CAMKMT: variants seen among roughly 807,000 people sequenced by gnomAD.
The protein encoded by CAMKMT is calmodulin-lysine N-methyltransferase.
Under a neutral mutation model 48.0 loss-of-function variants are expected in CAMKMT, and 53 were observed. That is an observed-to-expected ratio of 1.10 (90% confidence interval 0.89 to 1.39). The LOEUF (loss-of-function observed/expected upper bound fraction) is 1.39. CAMKMT is among the 40% of genes most tolerant of loss of function. The pLI, the probability that CAMKMT is intolerant of heterozygous loss-of-function variation, is 0.00. For missense variants in CAMKMT, 428 were observed against 402.7 expected, an observed-to-expected ratio of 1.06 and a Z score of -0.54; for synonymous variants, 165 against 152.3, an observed-to-expected ratio of 1.08 and a Z score of -0.61.
At chr2:44,522,761 G>A (rs568466366) in intron 3 of CAMKMT, among the ~76,000 whole-genome samples, 2 of 152,250 alleles carry the variant, frequency 1.3e-5, no homozygotes, top group East Asian at 1.9e-4. Flanking sequence ...GCAAGTCCTG[G>A]ATCCTTTACA....
At chr2:44,471,079 C>T (rs1668391685) in intron 3 of CAMKMT, among the ~76,000 whole-genome samples, 1 of 151,024 alleles carries the variant, frequency 6.6e-6, no homozygotes, top group Non-Finnish European at 1.5e-5. Flanking sequence ...ACTGCAACCT[C>T]CGCCTTCCGA....
intron 3 of CAMKMT, among the ~76,000 whole-genome samples, chr2:44,580,523 T>A (rs1282596610): frequency 6.6e-6 from 1 of 152,198 alleles, no homozygotes; most frequent in East Asian, 1.9e-4. Context: ...GCATGACTTT[T>A]GTAAGATGTG....
intron 3 of CAMKMT, among the ~76,000 whole-genome samples, chr2:44,527,871 C>T (rs975039519): frequency 1.4e-5 from 2 of 143,570 alleles, no homozygotes; most frequent in Non-Finnish European, 3.0e-5. Flanking sequence ...CACCCAAAGT[C>T]TATAGTTTAC....
chr2:44,425,840 C>T (rs1472585746), intron 3 of CAMKMT, among the ~76,000 whole-genome samples: 1 of 152,014 alleles, frequency 6.6e-6, no homozygotes, highest in African/African-American at 2.4e-5. Flanking sequence ...AAGCCATTCT[C>T]CTGCCTCAGC....
At chr2:44,388,455 T>C (rs1680989149) in intron 2 of CAMKMT, among the ~76,000 whole-genome samples, 1 of 152,216 alleles carries the variant, frequency 6.6e-6, no homozygotes, top group Admixed American at 6.5e-5. Context: ...TGCCTTTCTC[T>C]GGTGCCTCCC....
intron 7 of CAMKMT, among the ~76,000 whole-genome samples, chr2:44,740,844 G>GT (rs1679638657): frequency 1.3e-5 from 2 of 152,282 alleles, no homozygotes; most frequent in South Asian, 4.1e-4. Flanking sequence ...TATTAGGGAA[G>GT]TGGGATAGTG....
Position 44,715,317 on chromosome 2 carries a change from A to C in CAMKMT, c.587A>C (p.Lys196Thr), listed in dbSNP as rs765433919. Residue 196 changes from lysine (K) to threonine (T), a missense_variant, in exon 7 of 11, where the codon AAG becomes ACG. Physicochemically the swap from Lys to Thr is moderately conservative, Grantham distance 78 (BLOSUM62 -1). Transcript: ENST00000378494. ...CAAGACATCATCACAAGGAATCAGA[A>C]GGCTGGTGTGTTTAAGACCCAGAAA... is the stretch of plus-strand genomic sequence containing the variant. Reference protein sequence around the residue: ...NVQDIITRNQKAGVFKTQKIS... With the variant: ...NVQDIITRNQTAGVFKTQKIS... 21 of 1,613,434 alleles carry C rather than the reference A, an allele frequency of 1.3e-5. No individual in the cohort carries two copies. Among genetic ancestry groups the C allele is most frequent in the Non-Finnish European group, 1.7e-5 (20 of 1,179,658 alleles).
intron 3 of CAMKMT, among the ~76,000 whole-genome samples, chr2:44,466,358 A>C (rs1284083665): frequency 6.6e-6 from 1 of 152,204 alleles, no homozygotes; most frequent in Admixed American, 6.5e-5. Flanking sequence ...AAAACTAGAA[A>C]TCAACATCAA....
intron 3 of CAMKMT, among the ~76,000 whole-genome samples, chr2:44,428,508 A>AT (rs538936938): frequency 2.0e-3 from 302 of 152,308 alleles, no homozygotes; most frequent in Middle Eastern, 0.01. Context: ...TGAAGTTCTC[A>AT]TTTAGGGCCG....
At chr2:44,705,568 G>C in intron 4 of CAMKMT, 1 of 978,302 alleles carries the variant, frequency 1.0e-6, no homozygotes, top group South Asian at 4.7e-5. Context: ...TAGACTGTCA[G>C]CTTTAACTCT....
At chr2:44,678,501 C>T (rs1675843171) in intron 3 of CAMKMT, among the ~76,000 whole-genome samples, 1 of 152,250 alleles carries the variant, frequency 6.6e-6, no homozygotes, top group South Asian at 2.1e-4. Context: ...TGGCCAATCT[C>T]TCCAAACACT....
At chr2:44,516,739 A>G (rs967956146) in intron 3 of CAMKMT, among the ~76,000 whole-genome samples, 1 of 133,110 alleles carries the variant, frequency 7.5e-6, no homozygotes, top group Non-Finnish European at 1.6e-5. Flanking sequence ...GTTTCTTGAG[A>G]TTTTTTTTTT....
intron 2 of CAMKMT, among the ~76,000 whole-genome samples, chr2:44,381,866 T>C (rs1328423063): frequency 6.6e-6 from 1 of 152,122 alleles, no homozygotes; most frequent in Non-Finnish European, 1.5e-5. Context: ...AGGAACCGTA[T>C]ATTGCTTTTA....
chr2:44,413,721 A>T (rs1365402871), intron 3 of CAMKMT, among the ~76,000 whole-genome samples: 1 of 152,134 alleles, frequency 6.6e-6, no homozygotes, highest in Non-Finnish European at 1.5e-5. Context: ...CATTTGTTGA[A>T]TTGAAAATTA....
intron 3 of CAMKMT, among the ~76,000 whole-genome samples, chr2:44,650,899 A>G (rs1468407067): frequency 1.3e-5 from 2 of 152,228 alleles, no homozygotes; most frequent in Non-Finnish European, 2.9e-5. Flanking sequence ...ATTACAACGA[A>G]TAATTCAGAC....
chr2:44,418,464 G>T (rs144169848), intron 3 of CAMKMT, among the ~76,000 whole-genome samples: 2 of 152,114 alleles, frequency 1.3e-5, no homozygotes, highest in Admixed American at 1.3e-4. Context: ...TTTCACGTGG[G>T]TATTTGGTTG....
intron 3 of CAMKMT, among the ~76,000 whole-genome samples, chr2:44,515,378 A>G (rs698779): frequency 0.12 from 18,968 of 152,176 alleles, 1,909 homozygotes; most frequent in African/African-American, 0.27. Context: ...AATGCTTACA[A>G]TCTGGCAAAG....
intron 3 of CAMKMT, among the ~76,000 whole-genome samples, chr2:44,677,066 A>G (rs975235684): frequency 2.0e-5 from 3 of 152,186 alleles, no homozygotes; most frequent in Admixed American, 6.6e-5. Flanking sequence ...TTGTGTTTCA[A>G]CAATCCTGAA....
intron 3 of CAMKMT, among the ~76,000 whole-genome samples, chr2:44,522,793 G>A (rs1315251213): frequency 6.6e-6 from 1 of 152,148 alleles, no homozygotes; most frequent in Non-Finnish European, 1.5e-5. Flanking sequence ...TTTTGTTTGA[G>A]AATGGAATAG....
Sources: gnomAD v4.1 joint callset for allele counts (sites outside exome capture counted in the v4.1 genomes callset) on GRCh38, gnomAD v4.1.1 for gene constraint, MANE v1.5 for transcripts, NCBI Gene and HGNC (gene_info 2026-07-23, HGNC 2026-07-21) for gene names.